The following ZNF385D variants were observed in gnomAD, a reference collection of about 807,000 sequenced individuals.
The protein encoded by ZNF385D is zinc finger protein 385D.
A neutral mutation model predicts 35.8 loss-of-function variants in ZNF385D; 15 were observed. The ratio of observed to expected loss-of-function variants is 0.42; its 90% CI spans 0.28 to 0.64. The LOEUF (loss-of-function observed/expected upper bound fraction) is 0.64, where lower values mean the gene tolerates loss of function less well. Among genes scored for constraint, ZNF385D ranks in the 30% least tolerant of loss-of-function variants. The pLI, the probability that ZNF385D is intolerant of heterozygous loss-of-function variation, is 0.23. For missense variants in ZNF385D, 474 were observed against 494.6 expected, an observed-to-expected ratio of 0.96 and a Z score of 0.39; for synonymous variants, 212 against 186.8, an observed-to-expected ratio of 1.13 and a Z score of -1.10.
chr3:21,413,121 T>C lies in ZNF385D; in HGVS notation c.*8093A>G, dbSNP rs578194515. 7 of 152,164 alleles carry C rather than the reference T, an allele frequency of 4.6e-5. No homozygotes were observed. The East Asian group carries it at 5.8e-4, about 13-fold the overall frequency. The allele number at this position is 152,164 out of a possible 1,614,324, so 9.4% of individuals were successfully genotyped here. On this transcript the variant is annotated 3_prime_UTR_variant, in exon 8 of 8. Transcript: ENST00000281523. ...TGAAAACAAATATAACAATAACATATAGAATCATCATTCAACTATCATAAT... is the reference window on the plus strand; with the variant it reads ...TGAAAACAAATATAACAATAACATACAGAATCATCATTCAACTATCATAAT...
chr3:21,472,693 T>G (rs1703981634), intron 4 of ZNF385D, among the ~76,000 whole-genome samples: 1 of 152,182 alleles, frequency 6.6e-6, no homozygotes, highest in Non-Finnish European at 1.5e-5. Flanking sequence ...GCAGCTAAGC[T>G]TCAGCCAATC....
chr3:21,816,968 A>G (rs2073176513), intron 3 of ZNF385D, among the ~76,000 whole-genome samples: 1 of 152,302 alleles, frequency 6.6e-6, no homozygotes, highest in South Asian at 2.1e-4. Context: ...ACAGCATGGT[A>G]CTGGTACCAA....
chr3:21,512,306 C>T (rs1485476363), intron 3 of ZNF385D, among the ~76,000 whole-genome samples: 1 of 151,948 alleles, frequency 6.6e-6, no homozygotes, highest in Non-Finnish European at 1.5e-5. Context: ...AGGTCATAAC[C>T]TTTCCAAATG....
chr3:21,778,787 G>A (rs1011993106), intron 3 of ZNF385D, among the ~76,000 whole-genome samples: 3 of 151,878 alleles, frequency 2.0e-5, no homozygotes, highest in Non-Finnish European at 4.4e-5. Flanking sequence ...ATAAGCCACT[G>A]TGGTTAAGTG....
Position 21,610,613 on chromosome 3 carries a change from AC to A in ZNF385D, c.166-45930del, listed in dbSNP as rs1329183129. Among the ~76,000 whole-genome samples, 138 of 151,260 alleles carry A rather than the reference AC, an allele frequency of 9.1e-4. 1 individual carries two copies. Among genetic ancestry groups the A allele is most frequent in the African/African-American group, 2.9e-3 (120 of 41,112 alleles). On this transcript the variant is annotated intron_variant, in intron 2 of 7. Transcript: ENST00000281523. ...GTGAAACCCCATCTCTACTAAACAT[AC>A]AAAAAAAAAAATTAGCCAGGTATGG...
At chr3:21,887,206 A>C (rs1698595683) in intron 3 of ZNF385D, among the ~76,000 whole-genome samples, 1 of 152,178 alleles carries the variant, frequency 6.6e-6, no homozygotes, top group South Asian at 2.1e-4. Flanking sequence ...TATTTCATGA[A>C]GGGAAATGTC....
chr3:22,093,011 A>C (rs1475157358), intron 3 of ZNF385D, among the ~76,000 whole-genome samples: 2 of 152,212 alleles, frequency 1.3e-5, no homozygotes, highest in Non-Finnish European at 2.9e-5. Context: ...TGAGCCCAGC[A>C]TCCAGGAGCA....
At chr3:22,258,736 A>G (rs1383742094) in intron 2 of ZNF385D, among the ~76,000 whole-genome samples, 1 of 151,752 alleles carries the variant, frequency 6.6e-6, no homozygotes, top group African/African-American at 2.4e-5. Flanking sequence ...AAATTGTTAA[A>G]TATTTATTTA....
At chr3:21,871,349 C>A (rs1208721923) in intron 3 of ZNF385D, among the ~76,000 whole-genome samples, 1 of 152,104 alleles carries the variant, frequency 6.6e-6, no homozygotes, top group African/African-American at 2.4e-5. Flanking sequence ...ATCATTTAGA[C>A]CTTGCTTAAT....
Position 21,416,703 on chromosome 3 carries a change from T to G in ZNF385D, c.*4511A>C, listed in dbSNP as rs554864093. ...TAGGACTCAGTTTAAATAATTCCTG[T>G]AACAATGACAAGAGCGCATAACTGA... On this transcript the variant is annotated 3_prime_UTR_variant, in exon 8 of 8. Transcript: ENST00000281523. 1.2e-4 allele frequency: 18 copies of G among 152,258 alleles called. No homozygotes were observed. The East Asian group carries it at 3.3e-3, about 28-fold the overall frequency. 9.4% of individuals were successfully genotyped at this position (152,258 alleles called of 1,614,324 possible).
At chr3:21,783,576 A>T (rs557400333) in intron 3 of ZNF385D, among the ~76,000 whole-genome samples, 13 of 152,126 alleles carry the variant, frequency 8.5e-5, no homozygotes, top group Non-Finnish European at 1.9e-4. Flanking sequence ...GCATTGTTTA[A>T]TGTAATAGCA....
intron 3 of ZNF385D, among the ~76,000 whole-genome samples, chr3:21,935,601 A>G (rs965283594): frequency 2.0e-5 from 3 of 152,060 alleles, no homozygotes; most frequent in Non-Finnish European, 4.4e-5. Flanking sequence ...TCAATTTCCT[A>G]TCTGTCCACT....
intron 3 of ZNF385D, among the ~76,000 whole-genome samples, chr3:22,155,754 A>C (rs1705542060): frequency 6.6e-6 from 1 of 152,134 alleles, no homozygotes; most frequent in Admixed American, 6.6e-5. Context: ...ATGACTCTCC[A>C]AAACCTTATA....
chr3:22,231,194 C>T (rs1435431272), intron 2 of ZNF385D, among the ~76,000 whole-genome samples: 3 of 152,050 alleles, frequency 2.0e-5, no homozygotes, highest in African/African-American at 7.2e-5. Context: ...TGCTTTAAGC[C>T]CCCTGCCACT....
chr3:22,080,221 C>T (rs1017038496), intron 3 of ZNF385D, among the ~76,000 whole-genome samples: 2 of 152,056 alleles, frequency 1.3e-5, no homozygotes, highest in African/African-American at 4.8e-5. Flanking sequence ...TGTTTTATCT[C>T]ACAAATTTAG....
chr3:21,561,088 G>C lies in ZNF385D; in HGVS notation c.276+3486C>G, dbSNP rs559605372. Among the ~76,000 whole-genome samples the C allele has an allele frequency of 3.3e-5, 5 of 152,332 alleles. No homozygotes were observed. In the South Asian group the frequency reaches 8.3e-4, roughly 25 times the overall value. ...GGATCTTAGCCTGCTGGGCTCTGAG[G>C]GGGTGGGACCCCCGAGCCAGACCAC... is the stretch of plus-strand genomic sequence containing the variant. On this transcript the variant is annotated intron_variant, in intron 3 of 7. Transcript: ENST00000281523.
At chr3:21,833,488 T>C (rs1695133903) in intron 3 of ZNF385D, among the ~76,000 whole-genome samples, 1 of 152,090 alleles carries the variant, frequency 6.6e-6, no homozygotes, top group Non-Finnish European at 1.5e-5. Flanking sequence ...TCAACAGTCA[T>C]CAGAATCTAG....
intron 2 of ZNF385D, among the ~76,000 whole-genome samples, chr3:21,577,812 C>CTTTTTTTTTTTTTTTTTTTTTTT (rs779083360): frequency 7.5e-6 from 1 of 133,570 alleles, no homozygotes; most frequent in Non-Finnish European, 1.6e-5. Context: ...TATTTTTTTT[C>CTTTTTTTTTTTTTTTTTTTTTTT]TTTTTTTTTT....
In ZNF385D at chr3:21,657,306, A is replaced by C. The variant is rs778817715; in HGVS notation, c.165+7580T>G. Reference sequence around the variant, plus strand: ...AAGAGTAAACAAGGATTAAATAAGAAAAATATTCATGCGTTGTGCATTTGT... The same window carrying C: ...AAGAGTAAACAAGGATTAAATAAGACAAATATTCATGCGTTGTGCATTTGT... On this transcript the variant is annotated intron_variant, in intron 2 of 7. Transcript: ENST00000281523. Among the ~76,000 whole-genome samples, 3 of 151,962 alleles carry C rather than the reference A, an allele frequency of 2.0e-5. No individual in the cohort carries two copies. The East Asian group carries it at 5.8e-4, about 29-fold the overall frequency.
Sources: allele counts gnomAD v4.1 joint callset (sites outside exome capture counted in the v4.1 genomes callset), GRCh38; gene constraint gnomAD v4.1.1; transcripts MANE v1.5; gene names NCBI Gene and HGNC (gene_info 2026-07-23, HGNC 2026-07-21).